The following ERBIN variants were observed in gnomAD, a reference collection of about 807,000 sequenced individuals.
The protein encoded by ERBIN is erbb2 interacting protein.
A neutral mutation model predicts 158.4 loss-of-function variants in ERBIN; 60 were observed. The ratio of observed to expected loss-of-function variants is 0.38; its 90% CI spans 0.31 to 0.47. The LOEUF is 0.47. Among genes scored for constraint, ERBIN ranks in the 20% least tolerant of loss-of-function variants. The probability of loss-of-function intolerance (pLI) is 0.99; values close to 1 mark genes in which losing one functional copy is unlikely to be tolerated. For missense variants in ERBIN, 1,610 were observed against 1,648.0 expected (o/e 0.98, Z 0.40); for synonymous variants, 594 against 557.2 (o/e 1.07, Z -0.93).
At chr5:65,954,646 A>G (rs16894588) in intron 1 of ERBIN, among the ~76,000 whole-genome samples, 6,106 of 152,242 alleles carry the variant, frequency 0.04, 415 homozygotes, top group African/African-American at 0.14. Context: ...CTTGATAAAT[A>G]TACTACAAAT....
At chr5:66,003,285 C>G (rs1266924767) in intron 4 of ERBIN, among the ~76,000 whole-genome samples, 2 of 151,976 alleles carry the variant, frequency 1.3e-5, no homozygotes, top group African/African-American at 2.4e-5. Context: ...TGCAGTTAAA[C>G]AGTTTGTGTT....
chr5:65,957,734 CCT>C (rs1580153382), intron 1 of ERBIN, among the ~76,000 whole-genome samples: 1 of 152,280 alleles, frequency 6.6e-6, no homozygotes, highest in African/African-American at 2.4e-5. Flanking sequence ...GTTGGGTACA[CCT>C]CTAAGATGGG....
rs938423045 is a variant in ERBIN, at chr5:66,054,440, C to T, written c.3122C>T (p.Ala1041Val). 2.5e-6 allele frequency: 4 copies of T among 1,614,014 alleles called. No homozygotes were observed. Among genetic ancestry groups the T allele is most frequent in the African/African-American group, 2.7e-5 (2 of 74,924 alleles). The change falls in exon 21 of 26, where the codon GCA becomes GTA. Residue 1041 changes from alanine (A) to valine (V), a missense_variant. Around this residue, in one of 2 missense-constraint regions of ERBIN, gnomAD observed 1,014 missense variants for 936.1 expected, o/e 1.08. Coordinates refer to ENST00000284037, the MANE Select transcript of ERBIN (RefSeq NM_001253697.2). ...SNHNNVRANT[A>V]YHLHQRLGPA... The stretch of plus-strand genomic sequence containing the variant: ...CATAACAATGTTCGAGCTAATACTG[C>T]ATACCATTTACATCAGAGACTTGGC...
At chr5:65,966,588 G>A (rs749884854) in intron 1 of ERBIN, among the ~76,000 whole-genome samples, 3 of 147,272 alleles carry the variant, frequency 2.0e-5, no homozygotes, top group Non-Finnish European at 3.0e-5. Flanking sequence ...GCTGAGGCAG[G>A]AGAATCGCTT....
At chr5:65,950,560 G>A (rs1561285395) in intron 1 of ERBIN, among the ~76,000 whole-genome samples, 1 of 152,154 alleles carries the variant, frequency 6.6e-6, no homozygotes, top group East Asian at 1.9e-4. Context: ...GGGTAAGGTG[G>A]TGTCTGCCAG....
At chr5:66,063,209 C>G (rs1411465422) in intron 21 of ERBIN, among the ~76,000 whole-genome samples, 2 of 152,240 alleles carry the variant, frequency 1.3e-5, no homozygotes, top group East Asian at 3.8e-4. Context: ...TTCCCAGCTG[C>G]TTTGGTTACC....
chr5:66,031,980 T>A (rs1010216203), intron 14 of ERBIN, among the ~76,000 whole-genome samples: 1 of 152,044 alleles, frequency 6.6e-6, no homozygotes, highest in Non-Finnish European at 1.5e-5. Flanking sequence ...TATCTGGGAT[T>A]ATAGGCCTGC....
intron 1 of ERBIN, among the ~76,000 whole-genome samples, chr5:65,986,236 G>A (rs1291371815): frequency 1.3e-5 from 2 of 152,180 alleles, no homozygotes; most frequent in African/African-American, 4.8e-5. Flanking sequence ...GTCCTACTCA[G>A]ATATCTTTCA....
intron 1 of ERBIN, among the ~76,000 whole-genome samples, chr5:65,951,918 AT>A (rs1488094835): frequency 6.6e-6 from 1 of 152,088 alleles, no homozygotes; most frequent in Non-Finnish European, 1.5e-5. Context: ...TATGATGTTA[AT>A]TTTCTTGTCT....
At chr5:66,019,426 A>G (rs1755454659) in intron 7 of ERBIN, among the ~76,000 whole-genome samples, 1 of 152,158 alleles carries the variant, frequency 6.6e-6, no homozygotes, top group Non-Finnish European at 1.5e-5. Context: ...TCCTTTGAGG[A>G]GAGGAGAAAG....
intron 21 of ERBIN, among the ~76,000 whole-genome samples, chr5:66,068,024 A>G (rs368613519): frequency 1.3e-5 from 2 of 152,174 alleles, no homozygotes; most frequent in Admixed American, 1.3e-4. Flanking sequence ...ATATTTTTCT[A>G]AACATTTAGA....
At chr5:66,006,486 A>G (rs959409420) in intron 4 of ERBIN, among the ~76,000 whole-genome samples, 25 of 152,210 alleles carry the variant, frequency 1.6e-4, no homozygotes, top group African/African-American at 6.0e-4. Flanking sequence ...GGCATGGGCA[A>G]GGACTTCATG....
At chr5:66,023,514 A>T (rs1755914194) in intron 9 of ERBIN, 150 bp downstream of exon 9, 1 of 499,986 alleles carries the variant, frequency 2.0e-6, no homozygotes, top group Admixed American at 3.6e-5. Flanking sequence ...TCATGAGCAC[A>T]TTCTTGATTA....
intron 4 of ERBIN, 42 bp downstream of exon 4, chr5:65,994,906 T>C: frequency 8.9e-7 from 1 of 1,127,788 alleles, no homozygotes; most frequent in Non-Finnish European, 1.3e-6. Flanking sequence ...CTTGGGAACA[T>C]GTTTCATTAC....
intron 21 of ERBIN, among the ~76,000 whole-genome samples, chr5:66,060,050 C>A (rs1212124789): frequency 6.6e-6 from 1 of 152,198 alleles, no homozygotes; most frequent in Non-Finnish European, 1.5e-5. Flanking sequence ...ATGCTGGCCT[C>A]ATAAAATGAG....
rs761788186 is a variant in ERBIN, at chr5:66,038,443, A to G, written c.1267A>G (p.Thr423Ala). Residue 423 changes from threonine (T) to alanine (A), a missense_variant, in exon 15 of 26, where the codon ACC (threonine) becomes GCC (alanine). By Grantham distance (58) the Thr-to-Ala change is moderately conservative. This residue lies in a region of ERBIN where 596 missense variants were observed against 711.9 expected (regional missense o/e 0.84). Transcript: ENST00000284037. ...TTCAGAGACCCAGAAAATGGTGCTT[A>G]CCAACTACATGTTCCCTCAACAGCC... The part of the protein sequence containing the change: ...TDSETQKMVL[T>A]NYMFPQQPRT... 4 of 1,612,372 alleles carry G rather than the reference A, an allele frequency of 2.5e-6. No individual in the cohort carries two copies. Among genetic ancestry groups the G allele is most frequent in the Non-Finnish European group, 3.4e-6 (4 of 1,178,856 alleles).
intron 1 of ERBIN, among the ~76,000 whole-genome samples, chr5:65,964,807 A>G (rs1748346377): frequency 6.7e-6 from 1 of 148,392 alleles, no homozygotes; most frequent in Admixed American, 6.7e-5. Flanking sequence ...CAGTGGTACA[A>G]TCTCCGCTCA....
intron 1 of ERBIN, among the ~76,000 whole-genome samples, chr5:65,981,321 T>G (rs1024641196): frequency 3.3e-5 from 5 of 152,100 alleles, no homozygotes; most frequent in Admixed American, 2.0e-4. Context: ...CTTTAAAGTT[T>G]AATAAAGAAA....
Position 65,972,382 on chromosome 5 carries a change from A to G in ERBIN, c.-57-16253A>G, listed in dbSNP as rs200638715. Reference sequence around the variant, plus strand: ...TTACGCAAATGCTATTAAACTTTGCATCTAAGACTTCTTATTTGTCCTGTG... The same window carrying G: ...TTACGCAAATGCTATTAAACTTTGCGTCTAAGACTTCTTATTTGTCCTGTG... On this transcript the variant is annotated intron_variant, in intron 1 of 25. Coordinates refer to ENST00000284037, the MANE Select transcript of ERBIN (RefSeq NM_001253697.2). Among the ~76,000 whole-genome samples, 6 of 151,042 alleles carry G rather than the reference A, an allele frequency of 4.0e-5. No homozygotes were observed. In the East Asian group the frequency reaches 5.8e-4, roughly 15 times the overall value.
Sources: gnomAD v4.1 joint callset for allele counts (sites outside exome capture counted in the v4.1 genomes callset) on GRCh38, gnomAD v4.1.1 for gene constraint, gnomAD v4.1.1 regional missense constraint, MANE v1.5 for transcripts, NCBI Gene and HGNC (gene_info 2026-07-23, HGNC 2026-07-21) for gene names.